The following CFAP61 variants were observed in gnomAD, a reference collection of about 807,000 sequenced individuals.
CFAP61 encodes cilia and flagella associated protein 61, also known as cilia- and flagella-associated protein 61.
In CFAP61, 107 loss-of-function variants were observed where a neutral mutation model predicts 135.6. The observed-to-expected ratio is 0.79, with a 90% CI of 0.67 to 0.93. CFAP61 has a LOEUF of 0.93. Ranked by LOEUF, CFAP61 falls within the 40% of genes least tolerant of loss-of-function variation. CFAP61 has a pLI of 0.00. For synonymous variants in CFAP61, 575 were observed against 578.5 expected, an observed-to-expected ratio of 0.99 and a Z score of 0.09; for missense variants, 1,507 against 1,556.2, an observed-to-expected ratio of 0.97 and a Z score of 0.53.
chr20:20,326,438 G>A (rs374129466), intron 25 of CFAP61, among the ~76,000 whole-genome samples: 19 of 152,130 alleles, frequency 1.2e-4, no homozygotes, highest in African/African-American at 4.6e-4. Flanking sequence ...TGTAAAATAT[G>A]CTCCTATTTT....
intron 26 of CFAP61, among the ~76,000 whole-genome samples, chr20:20,350,977 A>G (rs1213569369): frequency 3.3e-5 from 5 of 152,236 alleles, no homozygotes; most frequent in African/African-American, 1.2e-4. Context: ...AAGGCCGTAT[A>G]TGACAAGCCC....
At chr20:20,109,276 A>C (rs2048627857) in intron 8 of CFAP61, among the ~76,000 whole-genome samples, 1 of 152,192 alleles carries the variant, frequency 6.6e-6, no homozygotes, top group Non-Finnish European at 1.5e-5. Flanking sequence ...CAGTCTGTGC[A>C]GAAGTCTGTA....
intron 18 of CFAP61, among the ~76,000 whole-genome samples, chr20:20,229,773 G>T (rs749271336): frequency 6.6e-6 from 1 of 152,210 alleles, no homozygotes; most frequent in Non-Finnish European, 1.5e-5. Flanking sequence ...AATAAATTAT[G>T]AGTCATTACT....
chr20:20,195,625 A>G (rs1391480957), intron 15 of CFAP61, among the ~76,000 whole-genome samples: 1 of 152,102 alleles, frequency 6.6e-6, no homozygotes, highest in African/African-American at 2.4e-5. Context: ...AGTGTGCCTG[A>G]TATTTCCTTT....
chr20:20,276,503 C>G (rs2053777903), intron 21 of CFAP61, among the ~76,000 whole-genome samples: 1 of 152,102 alleles, frequency 6.6e-6, no homozygotes, highest in Non-Finnish European at 1.5e-5. Context: ...ATAGTATAGA[C>G]TATTTATCAT....
intron 21 of CFAP61, among the ~76,000 whole-genome samples, chr20:20,269,164 C>T (rs75848396): frequency 0.068 from 7,598 of 112,162 alleles, 547 homozygotes; most frequent in Middle Eastern, 0.093. Context: ...CACACACACA[C>T]ATACATATAT....
At chr20:20,223,721 C>T (rs544722515) in intron 17 of CFAP61, among the ~76,000 whole-genome samples, 38 of 152,258 alleles carry the variant, frequency 2.5e-4, no homozygotes, top group Admixed American at 5.9e-4. Context: ...TATATTTTGA[C>T]CAATTTTTTT....
rs1420939505 is a variant in CFAP61 at position 20,328,604 on chromosome 20, G to A, written c.3423-13227G>A. Among the ~76,000 whole-genome samples, 8 of 152,098 alleles carry A rather than the reference G, an allele frequency of 5.3e-5. No individual in the cohort carries two copies. The East Asian group carries it at 1.5e-3, about 29-fold the overall frequency. On this transcript the variant is annotated intron_variant, in intron 25 of 26. Coordinates refer to ENST00000245957, the MANE Select transcript of CFAP61 (RefSeq NM_015585.4). ...AATTTCAAAAAAAAAGGCAACCTATGAAATGAGAGAAAGTATTTGCAAACC... is the reference window on the plus strand; with the variant it reads ...AATTTCAAAAAAAAAGGCAACCTATAAAATGAGAGAAAGTATTTGCAAACC...
intron 6 of CFAP61, among the ~76,000 whole-genome samples, chr20:20,086,670 G>T (rs2046826210): frequency 6.6e-6 from 1 of 152,092 alleles, no homozygotes; most frequent in African/African-American, 2.4e-5. Context: ...CCCTTGGCAA[G>T]GTCTCAGCAC....
intron 21 of CFAP61, among the ~76,000 whole-genome samples, chr20:20,272,672 G>A (rs2424309): frequency 0.67 from 101,864 of 151,910 alleles, 34,971 homozygotes; most frequent in Middle Eastern, 0.82. Context: ...GGTTTGTCCC[G>A]CCCAGCAGCT....
At chr20:20,128,370 C>T (rs1209250723) in intron 8 of CFAP61, among the ~76,000 whole-genome samples, 1 of 151,772 alleles carries the variant, frequency 6.6e-6, no homozygotes, top group Non-Finnish European at 1.5e-5. Context: ...CCCACTGCTT[C>T]CTCTACCCCT....
intron 25 of CFAP61, among the ~76,000 whole-genome samples, chr20:20,301,395 T>G (rs530258715): frequency 6.6e-6 from 1 of 152,326 alleles, no homozygotes; most frequent in Admixed American, 6.5e-5. Context: ...TTTGTGTAAG[T>G]GCACTCTAGG....
chr20:20,307,896 C>T (rs1367296200), intron 25 of CFAP61, among the ~76,000 whole-genome samples: 1 of 152,192 alleles, frequency 6.6e-6, no homozygotes, highest in African/African-American at 2.4e-5. Context: ...AAAATGATTT[C>T]ATTTCCAACC....
chr20:20,070,363 C>G (rs918794040), intron 2 of CFAP61, among the ~76,000 whole-genome samples: 1 of 152,188 alleles, frequency 6.6e-6, no homozygotes, highest in Non-Finnish European at 1.5e-5. Flanking sequence ...TGGAGCTAGA[C>G]TGTTAGCTTT....
intron 8 of CFAP61, among the ~76,000 whole-genome samples, chr20:20,110,460 A>G (rs375610207): frequency 6.6e-6 from 1 of 152,172 alleles, no homozygotes; most frequent in Admixed American, 6.5e-5. Flanking sequence ...AGACAGCAAC[A>G]TAGATTAGAA....
intron 13 of CFAP61, among the ~76,000 whole-genome samples, chr20:20,175,052 G>A (rs1336816942): frequency 6.6e-6 from 1 of 152,190 alleles, no homozygotes; most frequent in Non-Finnish European, 1.5e-5. Context: ...AGGGTCCTTT[G>A]TAAGTCAGGG....
chr20:20,203,322 C>G (rs16981689), intron 17 of CFAP61, among the ~76,000 whole-genome samples: 16,375 of 152,160 alleles, frequency 0.11, 918 homozygotes, highest in Middle Eastern at 0.16. Context: ...TAATTGACAT[C>G]ATAGACCTGA....
chr20:20,234,795 C>T (rs933212448), intron 18 of CFAP61, among the ~76,000 whole-genome samples: 4 of 151,982 alleles, frequency 2.6e-5, no homozygotes, highest in African/African-American at 7.3e-5. Context: ...AAGTCAGAAG[C>T]GACGGTGGAG....
At chr20:20,322,417 T>C (rs1270632061) in intron 25 of CFAP61, among the ~76,000 whole-genome samples, 1 of 152,158 alleles carries the variant, frequency 6.6e-6, no homozygotes, top group Non-Finnish European at 1.5e-5. Context: ...TTGAGCGGAT[T>C]CCAACAAACC....
Sources: allele counts gnomAD v4.1 joint callset (sites outside exome capture counted in the v4.1 genomes callset), GRCh38; gene constraint gnomAD v4.1.1; transcripts MANE v1.5; gene names NCBI Gene and HGNC (gene_info 2026-07-23, HGNC 2026-07-21).